The following TEX15 variants were observed in gnomAD, a reference collection of about 807,000 sequenced individuals.
TEX15 encodes the protein testis-expressed protein 15.
Under a neutral mutation model 237.3 loss-of-function variants are expected in TEX15, and 171 were observed. That is an observed-to-expected ratio of 0.72 (90% CI 0.64 to 0.82). The LOEUF is 0.82. Ranked by LOEUF, TEX15 falls within the 40% of genes least tolerant of loss-of-function variation. TEX15 has a pLI of 0.00. For missense variants in TEX15, 3,750 were observed against 3,646.5 expected, an observed-to-expected ratio of 1.03 and a Z score of -0.73; for synonymous variants, 1,338 against 1,269.8, an observed-to-expected ratio of 1.05 and a Z score of -1.14.
chr8:30,885,145 T>A (rs1422751932), intron 3 of TEX15, among the ~76,000 whole-genome samples: 1 of 152,066 alleles, frequency 6.6e-6, no homozygotes, highest in African/African-American at 2.4e-5. Context: ...TTGGGTTACT[T>A]ATATCTAGTG....
chr8:30,844,186 G>A lies in TEX15; in HGVS notation c.5981C>T (p.Thr1994Met), dbSNP rs758005999. ...FKEKHCSANH[T>M]ALIANLSQIL... ...TTGAGATAGATTAGCTATAAGGGCC[G>A]TATGATTAGCTGAGCAATGTTTTTC... The change falls in exon 8 of 11, where the codon ACG (threonine) becomes ATG (methionine). Residue 1994 changes from threonine (T) to methionine (M), a missense_variant. By Grantham distance (81) the Thr-to-Met change is moderately conservative. Transcript: ENST00000643185. 30 of 1,612,264 alleles carry A rather than the reference G, an allele frequency of 1.9e-5. No homozygotes were observed. Among genetic ancestry groups the A allele is most frequent in the Middle Eastern group, 1.6e-4 (1 of 6,068 alleles).
chr8:30,877,170 G>A (rs565723136), intron 3 of TEX15, among the ~76,000 whole-genome samples: 3 of 152,156 alleles, frequency 2.0e-5, no homozygotes, highest in Non-Finnish European at 2.9e-5. Context: ...GCAGGGCATG[G>A]CCTCATTTGA....
At chr8:30,899,237 T>A (rs1487680487) in intron 1 of TEX15, among the ~76,000 whole-genome samples, 2 of 152,174 alleles carry the variant, frequency 1.3e-5, no homozygotes, top group Non-Finnish European at 2.9e-5. Flanking sequence ...TTATGATACA[T>A]GCTACACACA....
intron 1 of TEX15, among the ~76,000 whole-genome samples, chr8:30,901,158 G>T (rs1049137377): frequency 6.6e-6 from 1 of 152,092 alleles, no homozygotes; most frequent in Non-Finnish European, 1.5e-5. Flanking sequence ...AACAAAAAAA[G>T]AAAATGAAAA....
At chr8:30,886,649 A>G (rs1808652121) in intron 3 of TEX15, among the ~76,000 whole-genome samples, 1 of 152,012 alleles carries the variant, frequency 6.6e-6, no homozygotes, top group South Asian at 2.1e-4. Context: ...TCCCCACTCA[A>G]CCTCCTCTGC....
chr8:30,888,645 A>G (rs1808717930), intron 2 of TEX15: 4 of 1,289,590 alleles, frequency 3.1e-6, no homozygotes, highest in Non-Finnish European at 4.0e-6. Context: ...CCATTTCGTA[A>G]CATGGTTGAT....
At chr8:30,888,446 G>A (rs1041025186) in intron 2 of TEX15, among the ~76,000 whole-genome samples, 1 of 151,908 alleles carries the variant, frequency 6.6e-6, no homozygotes, top group Non-Finnish European at 1.5e-5. Context: ...TGCTATACCA[G>A]AAGTATCAAA....
chr8:30,841,571 A>G (rs1285254949), intron 8 of TEX15, among the ~76,000 whole-genome samples: 1 of 152,118 alleles, frequency 6.6e-6, no homozygotes, highest in African/African-American at 2.4e-5. Flanking sequence ...TATCTGTCCT[A>G]TTTCTCCATT....
At chr8:30,851,492 G>A (rs924326651) in intron 7 of TEX15, among the ~76,000 whole-genome samples, 3 of 151,790 alleles carry the variant, frequency 2.0e-5, no homozygotes. Flanking sequence ...CTAGCCAGAC[G>A]TGGTGGTGTG....
chr8:30,883,121 T>G (rs1268493666), intron 3 of TEX15, among the ~76,000 whole-genome samples: 1 of 152,172 alleles, frequency 6.6e-6, no homozygotes, highest in Non-Finnish European at 1.5e-5. Flanking sequence ...TCTCTATCTT[T>G]TTTTTTAGAG....
chr8:30,842,592 G>T lies in TEX15; in HGVS notation c.7575C>A (p.Ile2525=). 1 of 1,610,942 alleles carries T rather than the reference G, an allele frequency of 6.2e-7. No homozygotes were observed. The highest frequency in any genetic ancestry group is 2.2e-5 in the East Asian group (1 of 44,850). Residue 2525 remains isoleucine (I), a synonymous_variant, in exon 8 of 11, where the codon ATC becomes ATA. Coordinates refer to ENST00000643185, the MANE Select transcript of TEX15 (RefSeq NM_001350162.2). ...VSELKKDLDI[I]CKYNEAVNCS... ...AATTAACAGCTTCATTATATTTGCAGATAATATCCAGATCTTTCTTAAGTT... is the reference window on the plus strand; with the variant it reads ...AATTAACAGCTTCATTATATTTGCATATAATATCCAGATCTTTCTTAAGTT...
At chr8:30,910,657 C>T (rs377397068) in intron 1 of TEX15, among the ~76,000 whole-genome samples, 1 of 148,050 alleles carries the variant, frequency 6.8e-6, no homozygotes, top group East Asian at 2.0e-4. Context: ...ACTATGTTGC[C>T]CCAGGCTGGT....
rs371640544 is a variant in TEX15 at position 30,880,180 on chromosome 8, C to G, written c.137-5078G>C. Among the ~76,000 whole-genome samples the G allele has an allele frequency of 1.3e-4, 19 of 151,906 alleles. No homozygotes were observed. In the East Asian group the frequency reaches 1.7e-3, roughly 14 times the overall value. On this transcript the variant is annotated intron_variant, in intron 3 of 10. Transcript: ENST00000643185. ...AGTAGCTGGGATTATAGGCACCCAC[C>G]ACCACGCCTAGCTAATTTTTTTCTG...
intron 1 of TEX15, among the ~76,000 whole-genome samples, chr8:30,904,653 G>A (rs1809064125): frequency 6.6e-6 from 1 of 152,130 alleles, no homozygotes; most frequent in South Asian, 2.1e-4. Context: ...AAAACCACAA[G>A]TATTCCTCAG....
intron 5 of TEX15, among the ~76,000 whole-genome samples, chr8:30,864,637 A>G (rs796765435): frequency 6.8e-6 from 1 of 146,090 alleles, no homozygotes; most frequent in Admixed American, 6.8e-5. Context: ...AAAAAAAAAA[A>G]GGCTGAAAGA....
chr8:30,873,514 A>T (rs893038395), intron 4 of TEX15, among the ~76,000 whole-genome samples: 3 of 152,128 alleles, frequency 2.0e-5, no homozygotes, highest in African/African-American at 7.2e-5. Context: ...GGTACAGATT[A>T]TCACCAATTT....
At chr8:30,889,823 T>C (rs1808744738) in intron 2 of TEX15, among the ~76,000 whole-genome samples, 2 of 151,310 alleles carry the variant, frequency 1.3e-5, no homozygotes, top group Non-Finnish European at 2.9e-5. Context: ...TATTTCTTTA[T>C]GCTCATGCAA....
intron 9 of TEX15, 51 bp downstream of exon 9, chr8:30,839,855 G>T: frequency 8.2e-7 from 1 of 1,219,016 alleles, no homozygotes; most frequent in Non-Finnish European, 1.2e-6. Flanking sequence ...TTTAGTATTT[G>T]CCCAATTTTG....
chr8:30,864,079 A>G (rs1353502728), intron 5 of TEX15, among the ~76,000 whole-genome samples: 2 of 152,170 alleles, frequency 1.3e-5, no homozygotes, highest in Admixed American at 6.5e-5. Flanking sequence ...TAGTAAAAAA[A>G]CAATGTATGA....
Sources: allele counts gnomAD v4.1 joint callset (sites outside exome capture counted in the v4.1 genomes callset), GRCh38; gene constraint gnomAD v4.1.1; transcripts MANE v1.5; gene names NCBI Gene and HGNC (gene_info 2026-07-23, HGNC 2026-07-21).